Variants in MCUR1 observed in about 807,000 individuals in gnomAD.
The protein encoded by MCUR1 is mitochondrial calcium uniporter regulator 1, also known as MCU regulator 1.
In MCUR1, 37 loss-of-function variants were observed where a neutral mutation model predicts 42.0. That is an observed-to-expected ratio of 0.88 (90% CI 0.68 to 1.16). MCUR1 has a LOEUF of 1.16. MCUR1 is among the 50% of genes most tolerant of loss of function. MCUR1 has a pLI of 0.00. For missense variants in MCUR1, 469 were observed against 468.4 expected (o/e 1.00, Z -0.01); for synonymous variants, 229 against 196.2 (o/e 1.17, Z -1.40).
chr6:13,802,175 A>G, intron 3 of MCUR1, 68 bp downstream of exon 3: 1 of 1,281,754 alleles, frequency 7.8e-7, no homozygotes, highest in African/African-American at 1.5e-5. Context: ...AAATTATATT[A>G]AAACATTACT....
chr6:13,811,546 C>T (rs1353256996), intron 1 of MCUR1, among the ~76,000 whole-genome samples: 2 of 152,088 alleles, frequency 1.3e-5, no homozygotes, highest in Admixed American at 1.3e-4. Flanking sequence ...CCCAGGATGT[C>T]TGCCCAACAC....
chr6:13,803,155 G>A (rs1053457100), intron 2 of MCUR1, among the ~76,000 whole-genome samples: 5 of 151,962 alleles, frequency 3.3e-5, no homozygotes, highest in African/African-American at 4.8e-5. Context: ...TCCACCTCCC[G>A]GGTTCAAGCC....
Position 13,790,858 on chromosome 6 carries a change from AT to A in MCUR1, c.1030del (p.Ile344TyrfsTer5). On this transcript the variant is annotated frameshift_variant, in exon 9 of 9. Transcript: ENST00000379170. LOFTEE classifies it high-confidence loss of function. ...LDNIKYLAGSIFTCLTVALGF... is the reference protein window; with the variant it reads ...LDNIKYLAGSXFTCLTVALGF... ...CAGAGCTACTGTTAGGCACGTAAATATAGACCCTGTAAGAAAAAAACAATTG... is the reference window on the plus strand; with the variant it reads ...CAGAGCTACTGTTAGGCACGTAAATAAGACCCTGTAAGAAAAAAACAATTG... The A allele has an allele frequency of 6.2e-7, 1 of 1,609,712 alleles. No individual in the cohort carries two copies. The highest frequency in any genetic ancestry group is 1.1e-5 in the South Asian group (1 of 90,870).
At chr6:13,802,425 T>C (rs1760011697) in intron 2 of MCUR1, 79 bp from the exon 3 acceptor site, 1 of 1,142,544 alleles carries the variant, frequency 8.8e-7, no homozygotes, top group Non-Finnish European at 1.3e-6. Flanking sequence ...CATGTGAATG[T>C]CCAAATCCAG....
At chr6:13,793,787 G>T in intron 7 of MCUR1, 107 bp downstream of exon 7, 1 of 936,310 alleles carries the variant, frequency 1.1e-6, no homozygotes, top group South Asian at 1.4e-5. Context: ...AAATTCCCAT[G>T]ACAGTAAACC....
intron 6 of MCUR1, among the ~76,000 whole-genome samples, chr6:13,797,641 A>G (rs988847846): frequency 1.3e-5 from 2 of 150,886 alleles, no homozygotes; most frequent in African/African-American, 4.9e-5. Context: ...CCGGGAGGCG[A>G]AGCTTGCAGT....
chr6:13,803,588 T>G (rs1206908524), intron 2 of MCUR1: 4 of 231,948 alleles, frequency 1.7e-5, no homozygotes, highest in Non-Finnish European at 2.8e-5. Context: ...GGGACTATAA[T>G]GAACAAAAAA....
chr6:13,804,630 CA>C (rs1760076161), intron 2 of MCUR1, among the ~76,000 whole-genome samples: 1 of 151,434 alleles, frequency 6.6e-6, no homozygotes, highest in South Asian at 2.1e-4. Flanking sequence ...AAAAATTAGC[CA>C]GGCGTTGTGG....
At chr6:13,804,081 G>A in intron 2 of MCUR1, 1 of 837,662 alleles carries the variant, frequency 1.2e-6, no homozygotes, top group Non-Finnish European at 1.4e-6. Flanking sequence ...AGCACTTTAG[G>A]AGGCCAAGGT....
chr6:13,804,181 G>A, intron 2 of MCUR1: 3 of 240,418 alleles, frequency 1.2e-5, no homozygotes, highest in Middle Eastern at 1.6e-3. Flanking sequence ...AAATTATCCA[G>A]GTGTGGTGGT....
rs1759739133 is a variant in MCUR1 at position 13,791,977 on chromosome 6, G to GT, written c.924_925insA (p.Arg309ThrfsTer13). The GT allele has an allele frequency of 9.9e-6, 16 of 1,613,768 alleles. No individual in the cohort carries two copies. The highest frequency in any genetic ancestry group is 1.3e-5 in the Non-Finnish European group (15 of 1,179,828). ...TTCCTGTCTGTCTGGGTAAGGGCCC[G>GT]ATCTTGCTGGGCATGCTTTTAAAAT... On this transcript the variant is annotated frameshift_variant, in exon 8 of 9. Transcript: ENST00000379170. LOFTEE classifies it high-confidence loss of function.
chr6:13,795,590 T>G (rs1052778114), intron 6 of MCUR1, among the ~76,000 whole-genome samples: 3 of 152,242 alleles, frequency 2.0e-5, no homozygotes, highest in Non-Finnish European at 4.4e-5. Flanking sequence ...TACTACTGCC[T>G]TGTGCTTCAG....
chr6:13,794,061 G>T, intron 6 of MCUR1, 114 bp from the exon 7 acceptor site: 1 of 839,028 alleles, frequency 1.2e-6, no homozygotes, highest in Non-Finnish European at 1.9e-6. Flanking sequence ...ACACCAGAAA[G>T]TCACCTCTGG....
chr6:13,794,364 G>C (rs1485311081), intron 6 of MCUR1, among the ~76,000 whole-genome samples: 1 of 152,068 alleles, frequency 6.6e-6, no homozygotes, highest in African/African-American at 2.4e-5. Context: ...CACTATTGTA[G>C]TAGCACTCCC....
At chr6:13,796,408 C>G (rs1000349055) in intron 6 of MCUR1, among the ~76,000 whole-genome samples, 1 of 151,570 alleles carries the variant, frequency 6.6e-6, no homozygotes, top group Admixed American at 6.6e-5. Context: ...CTGCCTCAGT[C>G]TCCCGAGTAG....
intron 2 of MCUR1, chr6:13,804,015 T>C (rs950522328): frequency 2.1e-6 from 2 of 974,910 alleles, no homozygotes; most frequent in African/African-American, 3.5e-5. Flanking sequence ...AAAGAGTTCA[T>C]GTTTAAACAT....
intron 6 of MCUR1, among the ~76,000 whole-genome samples, chr6:13,798,147 G>A (rs191244851): frequency 2.8e-4 from 42 of 151,410 alleles, no homozygotes; most frequent in Admixed American, 2.5e-3. Context: ...CCAGGCTAGA[G>A]AGCAGTGGCA....
At chr6:13,791,750 T>C (rs1333480662) in intron 8 of MCUR1, 128 bp downstream of exon 8, 1 of 633,294 alleles carries the variant, frequency 1.6e-6, no homozygotes. Context: ...TAAGATGCTT[T>C]CCAATTTCAG....
chr6:13,795,124 A>G (rs574717421), intron 6 of MCUR1, among the ~76,000 whole-genome samples: 105 of 118,946 alleles, frequency 8.8e-4, no homozygotes, highest in Non-Finnish European at 1.5e-3. Context: ...TTAGAAGTAG[A>G]AAAAAAAAAA....
Sources: gnomAD v4.1 joint callset for allele counts (sites outside exome capture counted in the v4.1 genomes callset) on GRCh38, gnomAD v4.1.1 for gene constraint, MANE v1.5 for transcripts, NCBI Gene and HGNC (gene_info 2026-07-23, HGNC 2026-07-21) for gene names.